TG: variants seen among roughly 807,000 people sequenced by gnomAD.
The protein encoded by TG is thyroid hormones.
TG carries 270 observed loss-of-function variants against 324.7 expected under a neutral mutation model. The observed-to-expected ratio is 0.83, with a 90% CI of 0.75 to 0.92. TG has a LOEUF of 0.92. Ranked by LOEUF, TG falls within the 40% of genes least tolerant of loss-of-function variation. TG has a pLI of 0.00. For synonymous variants in TG, 1,401 were observed against 1,327.0 expected (o/e 1.06, Z -1.21); for missense variants, 3,591 against 3,456.4 (o/e 1.04, Z -0.98).
At chr8:132,900,645 G>A (rs1010279110) in intron 15 of TG, among the ~76,000 whole-genome samples, 1 of 152,228 alleles carries the variant, frequency 6.6e-6, no homozygotes, top group Admixed American at 6.5e-5. Flanking sequence ...CCGGATGTGT[G>A]GCCCTGCCGT....
rs774469253 is a variant in TG at position 132,901,344 on chromosome 8, C to G, written c.3434-9C>G. On this transcript the variant is annotated splice_polypyrimidine_tract_variant and intron_variant, in intron 15 of 47. Coordinates refer to ENST00000220616, the MANE Select transcript of TG (RefSeq NM_003235.5). ...ATTCCCCAGCCCATCTGGCTTGTCT[C>G]TGTGTCAGGCCCAAGCCTCTGCAAT... 4 of 1,613,972 alleles carry G rather than the reference C, an allele frequency of 2.5e-6. No individual in the cohort carries two copies. The highest frequency in any genetic ancestry group is 1.3e-5 in the African/African-American group (1 of 74,940).
chr8:132,899,245 G>A (rs1732548027), intron 14 of TG, among the ~76,000 whole-genome samples: 1 of 152,168 alleles, frequency 6.6e-6, no homozygotes, highest in African/African-American at 2.4e-5. Context: ...AAGGCATCTT[G>A]GCCAAGGCCC....
rs188990659 is a variant in TG, at chr8:132,884,015, G to C, written c.1075+1016G>C. 6.7e-4 allele frequency among the ~76,000 whole-genome samples: 102 copies of C among 152,262 alleles called. 1 individual carries two copies. The highest frequency in any genetic ancestry group is 2.4e-3 in the African/African-American group (99 of 41,542). ...AGCAATCTGTGCATTCTTTGGTTTA[G>C]GGCAGCATTACTGTAGTCTTTGCCT... On this transcript the variant is annotated intron_variant, in intron 8 of 47. Transcript: ENST00000220616.
intron 41 of TG, among the ~76,000 whole-genome samples, chr8:133,054,850 C>T (rs143044196): frequency 3.9e-4 from 59 of 152,294 alleles, no homozygotes; most frequent in African/African-American, 1.4e-3. Context: ...CAAGAGAGGA[C>T]GGGCCCTTTT....
At chr8:133,119,245 C>T (rs1020236363) in intron 45 of TG, among the ~76,000 whole-genome samples, 22 of 152,178 alleles carry the variant, frequency 1.4e-4, no homozygotes, top group Admixed American at 5.9e-4. Flanking sequence ...CATTATTCAT[C>T]CGCTTTCTCC....
At chr8:133,107,593 C>T (rs909617324) in intron 43 of TG, among the ~76,000 whole-genome samples, 1 of 152,182 alleles carries the variant, frequency 6.6e-6, no homozygotes, top group African/African-American at 2.4e-5. Context: ...AATGTGTGTC[C>T]CAGGTCTTGC....
At position 133,075,651 on chromosome 8, in the gene TG, T is replaced by A. The variant is rs529228640; in HGVS notation, c.7240-19393T>A. On this transcript the variant is annotated intron_variant, in intron 41 of 47. Transcript: ENST00000220616. ...TGACGGCTATATCTTTCAAAGAGTT[T>A]GTTAAAAGAAAAGCTGCATCCCTAT... 9.2e-5 allele frequency among the ~76,000 whole-genome samples: 14 copies of A among 152,296 alleles called. No homozygotes were observed. The South Asian group carries it at 1.0e-3, about 11-fold the overall frequency.
chr8:133,049,131 G>A (rs1839970593), intron 41 of TG: 1 of 456,144 alleles, frequency 2.2e-6, no homozygotes, highest in Admixed American at 2.4e-5. Context: ...TTGTGCCCAG[G>A]TGTTCAGGGC....
At chr8:132,888,619 GTGTA>G (rs773477368) in intron 10 of TG, 51 bp downstream of exon 10, 3 of 1,480,094 alleles carry the variant, frequency 2.0e-6, no homozygotes, top group Non-Finnish European at 1.8e-6. Context: ...GTGTGTGTGT[GTGTA>G]TGTGTGTTTA....
intron 44 of TG, 105 bp downstream of exon 44, chr8:133,113,708 C>T: frequency 7.6e-7 from 1 of 1,307,788 alleles, no homozygotes; most frequent in Non-Finnish European, 1.1e-6. Flanking sequence ...TGGCTTTGTG[C>T]TTGAGGTTTC....
chr8:132,935,393 C>T (rs1199553398), intron 24 of TG, among the ~76,000 whole-genome samples: 1 of 152,004 alleles, frequency 6.6e-6, no homozygotes, highest in Non-Finnish European at 1.5e-5. Flanking sequence ...ATCCACCCGC[C>T]TCGGCCTCCC....
At chr8:133,038,623 G>A in intron 41 of TG, 1 of 1,613,920 alleles carries the variant, frequency 6.2e-7, no homozygotes, top group South Asian at 1.1e-5. Context: ...CAAAGGAGGT[G>A]TTGTCCTCAC....
In TG at chr8:133,096,379, C is replaced by G; in HGVS notation, c.7572+6C>G. On this transcript the variant is annotated splice_donor_region_variant and intron_variant, in intron 43 of 47. Transcript: ENST00000220616. ...ACAGAGCAAAGGCTGTGAAGGTAAG[C>G]AGGGAGGGGGCCTCGGATGTCTCCA... The G allele has an allele frequency of 1.2e-6, 2 of 1,614,096 alleles. No homozygotes were observed. The highest frequency in any genetic ancestry group is 1.7e-6 in the Non-Finnish European group (2 of 1,179,974).
intron 35 of TG, among the ~76,000 whole-genome samples, chr8:133,004,797 G>C (rs1833879935): frequency 6.6e-6 from 1 of 152,136 alleles, no homozygotes; most frequent in Admixed American, 6.5e-5. Context: ...GCGGATGTTA[G>C]AACGGTTTTG....
In TG at chr8:133,045,247, G is replaced by T; in HGVS notation, c.7239+15224G>T. On this transcript the variant is annotated intron_variant, in intron 41 of 47. Coordinates refer to ENST00000220616, the MANE Select transcript of TG (RefSeq NM_003235.5). ...GATACAACAGTGATGCTAGGATGCA[G>T]CCCCTCCCTCCACTAGACCCTTCTC... is the stretch of plus-strand genomic sequence containing the variant. The T allele has an allele frequency of 1.5e-5, 13 of 839,084 alleles. 1 individual carries two copies. The South Asian group carries it at 2.1e-4, about 14-fold the overall frequency. The allele number at this position is 839,084 out of a possible 1,614,324, so 52.0% of individuals were successfully genotyped here. A position where few individuals can be genotyped will look rare whatever the true frequency, so the allele number is the denominator to read the frequency against.
At chr8:132,951,800 T>C (rs1826139284) in intron 27 of TG, among the ~76,000 whole-genome samples, 6 of 152,206 alleles carry the variant, frequency 3.9e-5, no homozygotes, top group Non-Finnish European at 8.8e-5. Context: ...GTCAGTCTTT[T>C]AGTACGATTA....
chr8:132,987,371 G>GT (rs763039594), intron 35 of TG, among the ~76,000 whole-genome samples: 7 of 152,080 alleles, frequency 4.6e-5, no homozygotes, highest in Non-Finnish European at 7.4e-5. Flanking sequence ...GTCTATATGT[G>GT]TATGTGTATG....
intron 41 of TG, among the ~76,000 whole-genome samples, chr8:133,092,373 A>G (rs1051185314): frequency 5.3e-5 from 8 of 152,356 alleles, no homozygotes; most frequent in African/African-American, 1.9e-4. Context: ...TAAAAAAACA[A>G]CAGCCAGTGG....
At chr8:132,874,963 C>T (rs1321081817) in intron 5 of TG, among the ~76,000 whole-genome samples, 1 of 152,292 alleles carries the variant, frequency 6.6e-6, no homozygotes. Context: ...TATGACCTGC[C>T]TGGTCCTGTA....
Sources: allele counts gnomAD v4.1 joint callset (sites outside exome capture counted in the v4.1 genomes callset), GRCh38; gene constraint gnomAD v4.1.1; transcripts MANE v1.5; gene names NCBI Gene and HGNC (gene_info 2026-07-23, HGNC 2026-07-21).